The following ESRP1 variants were observed in gnomAD, a reference collection of about 807,000 sequenced individuals.
The protein encoded by ESRP1 is RNA-binding motif protein 35A.
Under a neutral mutation model 81.7 loss-of-function variants are expected in ESRP1, and 33 were observed. The ratio of observed to expected loss-of-function variants is 0.40; its 90% CI spans 0.31 to 0.54. The LOEUF (loss-of-function observed/expected upper bound fraction) is 0.54, where lower values mean the gene tolerates loss of function less well. Ranked by LOEUF, ESRP1 falls within the 20% of genes least tolerant of loss-of-function variation. The pLI is 0.41. For missense variants in ESRP1, 672 were observed against 833.1 expected (o/e 0.81, Z 2.38); for synonymous variants, 320 against 303.3 (o/e 1.06, Z -0.57).
At chr8:94,674,769 G>A (rs1450302645) in intron 12 of ESRP1, among the ~76,000 whole-genome samples, 1 of 152,168 alleles carries the variant, frequency 6.6e-6, no homozygotes, top group Admixed American at 6.5e-5. Context: ...GAAGCTTAGT[G>A]TGCTCCAGAT....
intron 15 of ESRP1, among the ~76,000 whole-genome samples, chr8:94,697,393 C>T (rs544828650): frequency 6.6e-6 from 1 of 152,312 alleles, no homozygotes; most frequent in African/African-American, 2.4e-5. Flanking sequence ...CCTGTTTTCT[C>T]TCCCAATAGC....
Position 94,674,382 on chromosome 8 carries a change from T to C in ESRP1, c.1527T>C (p.His509=), listed in dbSNP as rs781278831. The C allele has an allele frequency of 4.9e-5, 79 of 1,613,488 alleles. No individual in the cohort carries two copies. Among genetic ancestry groups the C allele is most frequent in the Non-Finnish European group, 6.6e-5 (78 of 1,179,720 alleles). The stretch of plus-strand genomic sequence containing the variant: ...CATTTATGGCTGCACAGAAGTGTCA[T>C]AAAAAAAACATGAAGGACAGATATG... ...DRAFMAAQKC[H]KKNMKDRYVE... The change falls in exon 12 of 16, where the codon CAT becomes CAC. Residue 509 remains histidine (H), a synonymous_variant. Coordinates refer to ENST00000433389, the MANE Select transcript of ESRP1 (RefSeq NM_017697.4).
chr8:94,660,709 C>CAAAAAGA (rs1818682813), intron 4 of ESRP1, among the ~76,000 whole-genome samples: 1 of 43,532 alleles, frequency 2.3e-5, no homozygotes, highest in Non-Finnish European at 3.8e-5. Flanking sequence ...GAGACTATCT[C>CAAAAAGA]AAAAAAAAAA....
At chr8:94,692,991 C>A (rs1382057061) in intron 14 of ESRP1, among the ~76,000 whole-genome samples, 164 bp downstream of exon 14, 4 of 151,282 alleles carry the variant, frequency 2.6e-5, no homozygotes, top group Non-Finnish European at 5.9e-5. Context: ...CTGTGGGGAC[C>A]AACTTCAGAC....
At chr8:94,696,830 T>C in intron 14 of ESRP1, 22 bp from the exon 15 acceptor site, 3 of 1,536,534 alleles carry the variant, frequency 2.0e-6, no homozygotes, top group Non-Finnish European at 2.6e-6. Flanking sequence ...TTTGATCTTG[T>C]TTGTTTTAAC....
chr8:94,687,858 G>T (rs1809203976), intron 13 of ESRP1, among the ~76,000 whole-genome samples: 1 of 151,986 alleles, frequency 6.6e-6, no homozygotes, highest in Admixed American at 6.6e-5. Flanking sequence ...TCTGTAGGTT[G>T]TCTTTTCATT....
At chr8:94,690,205 G>T (rs1026153231) in intron 13 of ESRP1, among the ~76,000 whole-genome samples, 5 of 149,988 alleles carry the variant, frequency 3.3e-5, no homozygotes, top group Admixed American at 1.3e-4. Flanking sequence ...CAAATTCCTG[G>T]CCTAAAGTGA....
chr8:94,658,636 GA>G (rs974005618), intron 4 of ESRP1, among the ~76,000 whole-genome samples: 5 of 152,082 alleles, frequency 3.3e-5, no homozygotes, highest in African/African-American at 1.2e-4. Flanking sequence ...AGCTTAATTT[GA>G]ATGGAATATA....
chr8:94,664,962 G>A lies in ESRP1; in HGVS notation c.791G>A (p.Arg264Gln), dbSNP rs1190466948. Residue 264 changes from arginine (R) to glutamine (Q), a missense_variant, in exon 8 of 16, where the codon CGA becomes CAA. Physicochemically the swap from Arg to Gln is conservative, Grantham distance 43. Transcript: ENST00000433389. ...GAALCLNAQG[R>Q]RNGEALVRFV... is the part of the protein sequence containing the mutation. Reference sequence around the variant, plus strand: ...GCACTTTGTCTGAATGCTCAGGGTCGAAGGAACGGAGAAGCTCTGGTTAGG... The same window carrying A: ...GCACTTTGTCTGAATGCTCAGGGTCAAAGGAACGGAGAAGCTCTGGTTAGG... 7.4e-6 allele frequency: 12 copies of A among 1,613,062 alleles called. No homozygotes were observed. Among genetic ancestry groups the A allele is most frequent in the African/African-American group, 1.3e-5 (1 of 74,620 alleles).
At position 94,678,183 on chromosome 8, in the gene ESRP1, A is replaced by C. The variant is rs376291682; in HGVS notation, c.1652-20A>C. The C allele has an allele frequency of 1.9e-6, 3 of 1,611,894 alleles. No individual in the cohort carries two copies. The African/African-American group carries it at 4.0e-5, about 22-fold the overall frequency. On this transcript the variant is annotated intron_variant, in intron 12 of 15. Coordinates refer to ENST00000433389, the MANE Select transcript of ESRP1 (RefSeq NM_017697.4). ...AGCTGTTACAAATATGTCTCAAAGAATCTCTCTTTGCATATCTAGGCCTGT... is the reference window on the plus strand; with the variant it reads ...AGCTGTTACAAATATGTCTCAAAGACTCTCTCTTTGCATATCTAGGCCTGT...
chr8:94,675,542 T>G (rs563981281), intron 12 of ESRP1, among the ~76,000 whole-genome samples: 3 of 152,170 alleles, frequency 2.0e-5, no homozygotes, highest in African/African-American at 7.2e-5. Context: ...TATCTTAGAG[T>G]TGATCATTAA....
At chr8:94,651,239 C>CTTTTTTTT (rs35413910) in intron 4 of ESRP1, among the ~76,000 whole-genome samples, 1 of 102,788 alleles carries the variant, frequency 9.7e-6, no homozygotes, top group Non-Finnish European at 1.9e-5. Context: ...ATAGTGTGGT[C>CTTTTTTTT]TTTTTTTTTT....
At chr8:94,681,428 A>C (rs1404797729) in intron 13 of ESRP1, among the ~76,000 whole-genome samples, 2 of 148,618 alleles carry the variant, frequency 1.3e-5, no homozygotes, top group Admixed American at 6.8e-5. Flanking sequence ...ACTTGAGGTT[A>C]GGAGTTTGAG....
chr8:94,665,501 G>GT (rs908714331), intron 9 of ESRP1, among the ~76,000 whole-genome samples: 3 of 151,980 alleles, frequency 2.0e-5, no homozygotes, highest in Non-Finnish European at 4.4e-5. Context: ...TTTTTGTTTT[G>GT]TTTTTTTGGA....
rs1818927627 is a variant in ESRP1 at position 94,664,691 on chromosome 8, C to T, written c.645-6C>T. The T allele has an allele frequency of 6.2e-7, 1 of 1,610,084 alleles. No homozygotes were observed. The highest frequency in any genetic ancestry group is 1.3e-5 in the African/African-American group (1 of 74,816). ...CATGCAACCTGAAGTTTTGCTTCATCCACAGCAGCAAGATGGAACTTATTG... is the reference window on the plus strand; with the variant it reads ...CATGCAACCTGAAGTTTTGCTTCATTCACAGCAGCAAGATGGAACTTATTG... On this transcript the variant is annotated splice_polypyrimidine_tract_variant and splice_region_variant and intron_variant, in intron 6 of 15. Coordinates refer to ENST00000433389, the MANE Select transcript of ESRP1 (RefSeq NM_017697.4).
Position 94,641,968 on chromosome 8 carries a change from C to G in ESRP1, c.145C>G (p.His49Asp). The G allele has an allele frequency of 6.2e-7, 1 of 1,613,864 alleles. No individual in the cohort carries two copies. Among genetic ancestry groups the G allele is most frequent in the South Asian group, 1.1e-5 (1 of 91,080 alleles). ...TCTACCTTCGGAGGTGGGACAGTTG[C>G]ACGAAGTGCTAGTTAGACCGGATCA... ...DLANKKVGQL[H>D]EVLVRPDQLE... The change falls in exon 2 of 16, where the codon CAC becomes GAC. Residue 49 changes from histidine (H) to aspartate (D), a missense_variant. Coordinates refer to ENST00000433389, the MANE Select transcript of ESRP1 (RefSeq NM_017697.4).
chr8:94,663,328 C>A (rs1015385118), intron 6 of ESRP1, among the ~76,000 whole-genome samples: 5 of 152,266 alleles, frequency 3.3e-5, no homozygotes, highest in Admixed American at 6.5e-5. Context: ...TCACTGCAAC[C>A]TCCGCCTCCC....
intron 4 of ESRP1, among the ~76,000 whole-genome samples, chr8:94,648,121 G>T (rs1448953626): frequency 6.6e-6 from 1 of 152,190 alleles, no homozygotes; most frequent in Non-Finnish European, 1.5e-5. Flanking sequence ...GCTGGACGTG[G>T]TTGCATGAGA....
chr8:94,654,858 G>C (rs1443433686), intron 4 of ESRP1, among the ~76,000 whole-genome samples: 1 of 150,572 alleles, frequency 6.6e-6, no homozygotes, highest in African/African-American at 2.4e-5. Flanking sequence ...TTGAGCCCAG[G>C]ATGTCAAAGC....
Sources: gnomAD v4.1 joint callset for allele counts (sites outside exome capture counted in the v4.1 genomes callset) on GRCh38, gnomAD v4.1.1 for gene constraint, MANE v1.5 for transcripts, NCBI Gene and HGNC (gene_info 2026-07-23, HGNC 2026-07-21) for gene names.